MTA3: variants seen among roughly 807,000 people sequenced by gnomAD.
The protein encoded by MTA3 is metastasis-associated protein MTA3.
In MTA3, 34 loss-of-function variants were observed where a neutral mutation model predicts 83.5. That is an observed-to-expected ratio of 0.41 (90% confidence interval 0.31 to 0.54). The LOEUF is 0.54. Ranked by LOEUF, MTA3 falls within the 20% of genes least tolerant of loss-of-function variation. The pLI is 0.33. For synonymous variants in MTA3, 303 were observed against 252.7 expected (o/e 1.20, Z -1.89); for missense variants, 761 against 726.4 (o/e 1.05, Z -0.55).
At chr2:42,496,511 A>C (rs1674142169) in intron 2 of MTA3, among the ~76,000 whole-genome samples, 1 of 150,318 alleles carries the variant, frequency 6.7e-6, no homozygotes. Flanking sequence ...GATGGTATTT[A>C]GGGTCTTCAT....
chr2:42,562,175 C>T (rs147521987), intron 2 of MTA3, among the ~76,000 whole-genome samples: 37 of 152,254 alleles, frequency 2.4e-4, no homozygotes, highest in Admixed American at 1.6e-3. Flanking sequence ...TGTCATTAGA[C>T]TTAGGGTCCA....
chr2:42,671,557 A>G (rs767979064), intron 8 of MTA3, among the ~76,000 whole-genome samples: 2 of 152,100 alleles, frequency 1.3e-5, no homozygotes, highest in Non-Finnish European at 2.9e-5. Flanking sequence ...ACTTTTCATG[A>G]TAAACATACA....
chr2:42,569,429 G>C (rs1231647321), intron 1 of MTA3: 1 of 152,240 alleles, frequency 6.6e-6, no homozygotes, highest in Non-Finnish European at 1.5e-5. Flanking sequence ...GCGGAAGAGA[G>C]AAATAAGGTC....
chr2:42,659,170 G>A (rs1689448365), intron 7 of MTA3, among the ~76,000 whole-genome samples: 1 of 152,136 alleles, frequency 6.6e-6, no homozygotes, highest in South Asian at 2.1e-4. Flanking sequence ...AGGAAAAGCA[G>A]TGAGTCTTCA....
chr2:42,619,842 G>A (rs974412152), intron 4 of MTA3, among the ~76,000 whole-genome samples: 2 of 152,038 alleles, frequency 1.3e-5, no homozygotes, highest in African/African-American at 4.8e-5. Flanking sequence ...TCCTGGTGCC[G>A]TAGCACAAAT....
At chr2:42,665,716 G>A (rs960310515) in intron 8 of MTA3, among the ~76,000 whole-genome samples, 1 of 152,204 alleles carries the variant, frequency 6.6e-6, no homozygotes, top group Non-Finnish European at 1.5e-5. Context: ...GGGAGGAGGG[G>A]TAAGAATAAA....
intron 2 of MTA3, among the ~76,000 whole-genome samples, chr2:42,514,316 A>C (rs908257349): frequency 3.3e-5 from 5 of 152,208 alleles, no homozygotes; most frequent in Non-Finnish European, 5.9e-5. Flanking sequence ...CTCACTATTT[A>C]TATGATGCTT....
chr2:42,727,692 T>A (rs1667925726), intron 16 of MTA3, among the ~76,000 whole-genome samples: 1 of 152,160 alleles, frequency 6.6e-6, no homozygotes, highest in Admixed American at 6.5e-5. Flanking sequence ...CTTGGGTGAA[T>A]CACATGGTTT....
chr2:42,530,988 G>C (rs13016944), intron 2 of MTA3, among the ~76,000 whole-genome samples: 54,652 of 151,736 alleles, frequency 0.36, 9,964 homozygotes, highest in African/African-American at 0.4. Flanking sequence ...CGACACCACA[G>C]CTGGCTAATT....
intron 15 of MTA3, among the ~76,000 whole-genome samples, chr2:42,719,428 C>G (rs1449856599): frequency 6.6e-6 from 1 of 152,226 alleles, no homozygotes; most frequent in African/African-American, 2.4e-5. Context: ...GATCCCTTCC[C>G]TGTTTCTAAC....
At chr2:42,515,099 C>G (rs1197786274) in intron 2 of MTA3, among the ~76,000 whole-genome samples, 1 of 151,890 alleles carries the variant, frequency 6.6e-6, no homozygotes, top group Non-Finnish European at 1.5e-5. Flanking sequence ...CTCTGTTGTG[C>G]CCAGGCTGGA....
At position 42,708,955 on chromosome 2, in the gene MTA3, G is replaced by T. The variant is rs1487380139; in HGVS notation, c.1384G>T (p.Val462Leu). 1 of 1,614,038 alleles carries T rather than the reference G, an allele frequency of 6.2e-7. No individual in the cohort carries two copies. The highest frequency in any genetic ancestry group is 8.5e-7 in the Non-Finnish European group (1 of 1,179,888). Reference protein sequence around the residue: ...VRNTGSPKSAVKTRQAFFLHT... With the variant: ...VRNTGSPKSALKTRQAFFLHT... ...AAACACTGGGAGTCCAAAGTCTGCA[G>T]TGAAGACCCGCCAAGCTTTCTTCCT... Residue 462 changes from valine (V) to leucine (L), a missense_variant, in exon 14 of 17, where the codon GTG (valine) becomes TTG (leucine). Coordinates refer to ENST00000405094, the MANE Select transcript of MTA3 (RefSeq NM_001330442.2).
At chr2:42,746,446 A>T (rs943607500) in intron 16 of MTA3, among the ~76,000 whole-genome samples, 1 of 152,140 alleles carries the variant, frequency 6.6e-6, no homozygotes, top group Non-Finnish European at 1.5e-5. Context: ...CAAGCAAGCA[A>T]TCAGTTTTGC....
At chr2:42,540,753 T>G (rs1410525127) in intron 2 of MTA3, among the ~76,000 whole-genome samples, 1 of 151,498 alleles carries the variant, frequency 6.6e-6, no homozygotes, top group East Asian at 2.0e-4. Flanking sequence ...AAGAATCACT[T>G]GATCCCAAGA....
chr2:42,690,322 T>G (rs1040266455), intron 9 of MTA3, among the ~76,000 whole-genome samples: 1 of 152,250 alleles, frequency 6.6e-6, no homozygotes, highest in African/African-American at 2.4e-5. Context: ...TGTAATTCAC[T>G]TTTATCCTTT....
chr2:42,680,893 C>T (rs1691830377), intron 8 of MTA3, among the ~76,000 whole-genome samples: 1 of 143,078 alleles, frequency 7.0e-6, no homozygotes, highest in Admixed American at 7.2e-5. Context: ...GCTGGGATTA[C>T]AGGCAATATG....
chr2:42,721,420 C>T (rs993740610), intron 15 of MTA3, among the ~76,000 whole-genome samples: 1 of 151,758 alleles, frequency 6.6e-6, no homozygotes, highest in African/African-American at 2.4e-5. Context: ...CTCCACTTCC[C>T]AGGCTCAGGT....
intron 2 of MTA3, among the ~76,000 whole-genome samples, chr2:42,534,991 T>A (rs1338580275): frequency 6.6e-6 from 1 of 152,020 alleles, no homozygotes; most frequent in African/African-American, 2.4e-5. Flanking sequence ...ACAAACAAGA[T>A]TGAAGGAATC....
intron 5 of MTA3, among the ~76,000 whole-genome samples, chr2:42,642,330 G>T (rs374829678): frequency 2.0e-5 from 3 of 151,954 alleles, no homozygotes; most frequent in African/African-American, 7.3e-5. Flanking sequence ...AGGTTTTACA[G>T]ATAAAAAGTG....
Sources: gnomAD v4.1 joint callset for allele counts (sites outside exome capture counted in the v4.1 genomes callset) on GRCh38, gnomAD v4.1.1 for gene constraint, MANE v1.5 for transcripts, NCBI Gene and HGNC (gene_info 2026-07-23, HGNC 2026-07-21) for gene names.